Variants in GRID2 observed in about 807,000 individuals in gnomAD.
GRID2 encodes the protein glutamate receptor ionotropic, delta-2.
Under a neutral mutation model 114.8 loss-of-function variants are expected in GRID2, and 33 were observed. The observed-to-expected ratio is 0.29, with a 90% CI of 0.22 to 0.38. The LOEUF is 0.38. Among genes scored for constraint, GRID2 ranks in the 10% least tolerant of loss-of-function variants. GRID2 has a pLI of 1.00. For missense variants in GRID2, 1,184 were observed against 1,257.7 expected (o/e 0.94, Z 0.89); for synonymous variants, 505 against 449.9 (o/e 1.12, Z -1.55).
chr4:92,745,255 A>C (rs1737092008), intron 2 of GRID2, among the ~76,000 whole-genome samples: 1 of 152,208 alleles, frequency 6.6e-6, no homozygotes, highest in African/African-American at 2.4e-5. Context: ...TTCTGCTTTT[A>C]AGGTATGTCT....
intron 11 of GRID2, among the ~76,000 whole-genome samples, chr4:93,458,486 T>C (rs1723416049): frequency 6.6e-6 from 1 of 152,152 alleles, no homozygotes; most frequent in African/African-American, 2.4e-5. Flanking sequence ...AGTTTGACTT[T>C]CTCACAGCAT....
intron 2 of GRID2, among the ~76,000 whole-genome samples, chr4:92,880,941 GC>G (rs1745961111): frequency 6.6e-6 from 1 of 150,994 alleles, no homozygotes. Flanking sequence ...TCACTCTGTC[GC>G]CCCAGGCTGG....
chr4:93,757,509 C>T (rs1732852922), intron 14 of GRID2, among the ~76,000 whole-genome samples: 2 of 152,218 alleles, frequency 1.3e-5, no homozygotes. Flanking sequence ...CCTAAACTGA[C>T]CATCCTTCTA....
At chr4:93,500,212 A>G (rs1256769044) in intron 12 of GRID2, among the ~76,000 whole-genome samples, 1 of 152,040 alleles carries the variant, frequency 6.6e-6, no homozygotes, top group East Asian at 1.9e-4. Flanking sequence ...TCAGGATTCC[A>G]TAATTATTAT....
At chr4:93,530,834 T>A (rs921573338) in intron 13 of GRID2, among the ~76,000 whole-genome samples, 5 of 152,156 alleles carry the variant, frequency 3.3e-5, no homozygotes, top group Non-Finnish European at 4.4e-5. Flanking sequence ...TATCAGATTA[T>A]TCATGAATTT....
At chr4:92,675,019 G>A (rs1480772457) in intron 2 of GRID2, among the ~76,000 whole-genome samples, 1 of 151,968 alleles carries the variant, frequency 6.6e-6, no homozygotes, top group Non-Finnish European at 1.5e-5. Flanking sequence ...ATCACACATT[G>A]TTGGGGCCAT....
chr4:92,923,701 C>T (rs1231258604), intron 2 of GRID2, among the ~76,000 whole-genome samples: 1 of 152,138 alleles, frequency 6.6e-6, no homozygotes, highest in Non-Finnish European at 1.5e-5. Flanking sequence ...AGGAAATAAT[C>T]TGTTATTACA....
intron 14 of GRID2, among the ~76,000 whole-genome samples, chr4:93,631,539 A>G (rs1248501675): frequency 2.0e-5 from 3 of 152,242 alleles, no homozygotes; most frequent in African/African-American, 7.2e-5. Context: ...TACAAAGGAC[A>G]TGAACTCATC....
chr4:93,064,950 A>G (rs1388016492), intron 2 of GRID2, among the ~76,000 whole-genome samples: 2 of 151,798 alleles, frequency 1.3e-5, no homozygotes, highest in Non-Finnish European at 2.9e-5. Flanking sequence ...TTGGCGAATC[A>G]TTCTGTTGTT....
At chr4:93,522,250 A>G (rs925699514) in intron 13 of GRID2, among the ~76,000 whole-genome samples, 3 of 152,162 alleles carry the variant, frequency 2.0e-5, no homozygotes, top group African/African-American at 7.2e-5. Flanking sequence ...AGTCATCACC[A>G]AAGTGTAAGC....
At chr4:93,066,151 C>T (rs1431713601) in intron 2 of GRID2, among the ~76,000 whole-genome samples, 1 of 151,722 alleles carries the variant, frequency 6.6e-6, no homozygotes, top group African/African-American at 2.4e-5. Context: ...ACCAGCACAC[C>T]GGAGTTTAGA....
At chr4:93,005,028 G>A (rs1253508562) in intron 2 of GRID2, among the ~76,000 whole-genome samples, 1 of 151,890 alleles carries the variant, frequency 6.6e-6, no homozygotes, top group Non-Finnish European at 1.5e-5. Flanking sequence ...GGCACTCACT[G>A]CTTATGTGAT....
At chr4:92,823,904 C>G (rs1741475721) in intron 2 of GRID2, among the ~76,000 whole-genome samples, 1 of 152,098 alleles carries the variant, frequency 6.6e-6, no homozygotes, top group African/African-American at 2.4e-5. Context: ...TACTCTGAAT[C>G]CCATCAGTAA....
intron 2 of GRID2, among the ~76,000 whole-genome samples, chr4:92,599,769 G>C (rs62310145): frequency 0.057 from 8,699 of 151,882 alleles, 286 homozygotes; most frequent in East Asian, 0.12. Context: ...GCTCACGCCT[G>C]TAATCCCAGC....
chr4:93,257,126 A>T (rs1424318194), intron 8 of GRID2, among the ~76,000 whole-genome samples: 1 of 151,858 alleles, frequency 6.6e-6, no homozygotes, highest in Non-Finnish European at 1.5e-5. Flanking sequence ...CTCATTCCGA[A>T]TGATCTGAAA....
At chr4:92,482,030 ATAT>A (rs1579442208) in intron 1 of GRID2, among the ~76,000 whole-genome samples, 38 of 69,864 alleles carry the variant, frequency 5.4e-4, no homozygotes, top group African/African-American at 8.0e-4. Context: ...ATATATATAT[ATAT>A]AAAATAACAA....
intron 2 of GRID2, among the ~76,000 whole-genome samples, chr4:92,733,698 T>C (rs185321806): frequency 2.6e-5 from 4 of 152,078 alleles, no homozygotes; most frequent in African/African-American, 9.7e-5. Flanking sequence ...ATAGCACTTA[T>C]CAATCAAGGG....
At chr4:93,315,096 G>C (rs914744535) in intron 8 of GRID2, among the ~76,000 whole-genome samples, 10 of 152,196 alleles carry the variant, frequency 6.6e-5, no homozygotes, top group African/African-American at 2.4e-4. Flanking sequence ...TTACATGGTG[G>C]CATGTAAGAG....
chr4:92,468,051 CTG>C (rs75213447), intron 1 of GRID2, among the ~76,000 whole-genome samples: 24,970 of 151,858 alleles, frequency 0.16, 2,482 homozygotes, highest in Middle Eastern at 0.26. Flanking sequence ...TGAACCTAGA[CTG>C]TGTCACTTTT....
Sources: allele counts gnomAD v4.1 joint callset (sites outside exome capture counted in the v4.1 genomes callset), GRCh38; gene constraint gnomAD v4.1.1; transcripts MANE v1.5; gene names NCBI Gene and HGNC (gene_info 2026-07-23, HGNC 2026-07-21).